IQSEC1: variants seen among roughly 807,000 people sequenced by gnomAD.
The protein encoded by IQSEC1 is IQ motif and Sec7 domain ArfGEF 1.
Under a neutral mutation model 91.0 loss-of-function variants are expected in IQSEC1, and 31 were observed. That is an observed-to-expected ratio of 0.34 (90% CI 0.26 to 0.46). The LOEUF is 0.46. Ranked by LOEUF, IQSEC1 falls within the 20% of genes least tolerant of loss-of-function variation. The probability of loss-of-function intolerance (pLI) is 1.00; values close to 1 mark genes in which losing one functional copy is unlikely to be tolerated. For missense variants in IQSEC1, 1,388 were observed against 1,575.6 expected, an observed-to-expected ratio of 0.88 and a Z score of 2.02; for synonymous variants, 699 against 662.6, an observed-to-expected ratio of 1.05 and a Z score of -0.84.
At chr3:12,918,148 A>G (rs895466879) in intron 6 of IQSEC1, among the ~76,000 whole-genome samples, 2 of 152,222 alleles carry the variant, frequency 1.3e-5, no homozygotes, top group Admixed American at 6.5e-5. Flanking sequence ...AGCCCTGATC[A>G]CCCATTCTGA....
At chr3:13,033,397 G>A (rs1019722748) in intron 1 of IQSEC1, among the ~76,000 whole-genome samples, 6 of 152,116 alleles carry the variant, frequency 3.9e-5, no homozygotes, top group Admixed American at 2.0e-4. Context: ...AGAGCGAGGC[G>A]CATTTCTCCT....
rs1705493904 is a variant in IQSEC1 at position 13,073,187 on chromosome 3, C to T, written c.-173G>A. On this transcript the variant is annotated 5_prime_UTR_variant, in exon 1 of 14. Transcript: ENST00000613206. ...TCCTCCAGGGAGGCTGGGGCGGGAG[C>T]GGGGGGCGGCGCCAGCAGCGGGCTG... 2.2e-6 allele frequency: 1 copy of T among 454,914 alleles called. No individual in the cohort carries two copies. 28.2% of individuals were successfully genotyped at this position (454,914 alleles called of 1,614,324 possible).
chr3:12,948,576 C>A (rs1268932712), intron 1 of IQSEC1, among the ~76,000 whole-genome samples: 7 of 152,224 alleles, frequency 4.6e-5, no homozygotes, highest in Admixed American at 3.9e-4. Context: ...GGCCTCTCAG[C>A]CACGGATGTC....
At chr3:12,975,105 A>G (rs1199690417) in intron 1 of IQSEC1, among the ~76,000 whole-genome samples, 1 of 152,212 alleles carries the variant, frequency 6.6e-6, no homozygotes, top group Non-Finnish European at 1.5e-5. Flanking sequence ...AGGCTTGGCA[A>G]TGACACCCAT....
chr3:12,950,954 T>A (rs533716304), intron 1 of IQSEC1, among the ~76,000 whole-genome samples: 1 of 152,074 alleles, frequency 6.6e-6, no homozygotes, highest in African/African-American at 2.4e-5. Context: ...CCAAAAAAAT[T>A]TTTTAAATAG....
chr3:13,107,093 C>G (rs534325895), intron 2 of IQSEC1, among the ~76,000 whole-genome samples: 26 of 152,324 alleles, frequency 1.7e-4, no homozygotes, highest in African/African-American at 6.0e-4. Context: ...TCTCATGGCC[C>G]GTGTCCTTTT....
intron 1 of IQSEC1, among the ~76,000 whole-genome samples, chr3:13,260,541 C>T (rs144746088): frequency 6.0e-4 from 91 of 152,306 alleles, no homozygotes; most frequent in African/African-American, 2.1e-3. Flanking sequence ...ACAGCCAAAG[C>T]CCACGTTCCT....
At chr3:13,234,501 T>C (rs1694891509) in intron 1 of IQSEC1, among the ~76,000 whole-genome samples, 2 of 152,210 alleles carry the variant, frequency 1.3e-5, no homozygotes, top group Admixed American at 6.5e-5. Context: ...CTCCCTTCCC[T>C]GAAACACCTG....
At chr3:13,062,666 G>C (rs553508388) in intron 1 of IQSEC1, among the ~76,000 whole-genome samples, 77 of 152,306 alleles carry the variant, frequency 5.1e-4, no homozygotes, top group African/African-American at 1.8e-3. Flanking sequence ...CAAGGAAGGG[G>C]GTTGGAGAGA....
chr3:12,921,686 A>AC (rs1370889367), intron 5 of IQSEC1, among the ~76,000 whole-genome samples: 1 of 152,216 alleles, frequency 6.6e-6, no homozygotes, highest in Non-Finnish European at 1.5e-5. Context: ...CGGTGACTGA[A>AC]CCAGGCATCT....
At chr3:13,085,242 G>C (rs1705715946) in intron 2 of IQSEC1, among the ~76,000 whole-genome samples, 1 of 152,168 alleles carries the variant, frequency 6.6e-6, no homozygotes, top group Admixed American at 6.5e-5. Context: ...AGCCAGCACA[G>C]AACTGAACCG....
At chr3:13,079,619 G>C (rs1388341538) in intron 2 of IQSEC1, among the ~76,000 whole-genome samples, 2 of 152,182 alleles carry the variant, frequency 1.3e-5, no homozygotes, top group Non-Finnish European at 2.9e-5. Context: ...TTCTTTACTG[G>C]GGCCCCCATG....
In IQSEC1 at chr3:13,211,680, C is replaced by T. The variant is rs938251808; in HGVS notation, c.273-47547G>A. 1.3e-5 allele frequency among the ~76,000 whole-genome samples: 2 copies of T among 152,222 alleles called. No individual in the cohort carries two copies. The highest frequency in any genetic ancestry group is 4.8e-5 in the African/African-American group (2 of 41,456). ...GGCCAGGACCCACGAACTGGCACCA[C>T]CCCAGCCCTGCTCAGCCACCACGTT... On this transcript the variant is annotated intron_variant, in intron 1 of 15. Transcript: ENST00000648114. The surrounding 1 kb of genome is among the most constrained non-coding windows in gnomAD (Gnocchi z 5.3).
At chr3:13,188,053 C>T (rs1050481498) in intron 1 of IQSEC1, among the ~76,000 whole-genome samples, 35 of 152,212 alleles carry the variant, frequency 2.3e-4, no homozygotes, top group Non-Finnish European at 1.5e-5. Flanking sequence ...CTGGGCCTCC[C>T]ATCTCCAGCC....
intron 2 of IQSEC1, among the ~76,000 whole-genome samples, chr3:13,095,391 C>T (rs1455717842): frequency 2.0e-5 from 3 of 152,152 alleles, no homozygotes; most frequent in Non-Finnish European, 2.9e-5. Context: ...TTTAACCAGC[C>T]TTGGCGATGC....
intron 1 of IQSEC1, among the ~76,000 whole-genome samples, chr3:13,180,499 C>T (rs1022457406): frequency 6.6e-6 from 1 of 152,166 alleles, no homozygotes; most frequent in Non-Finnish European, 1.5e-5. Context: ...ACAGACCAAT[C>T]AACAGGATGT....
At chr3:13,086,615 G>A (rs1705740205) in intron 2 of IQSEC1, among the ~76,000 whole-genome samples, 1 of 152,146 alleles carries the variant, frequency 6.6e-6, no homozygotes, top group Non-Finnish European at 1.5e-5. Context: ...GCCTGGTTCT[G>A]CCCCACAGTT....
chr3:13,265,288 G>A (rs527972097), intron 1 of IQSEC1, among the ~76,000 whole-genome samples: 34 of 147,324 alleles, frequency 2.3e-4, no homozygotes, highest in African/African-American at 6.7e-4. Flanking sequence ...CCCAGCCCTC[G>A]GCAGAGCCTC....
At chr3:13,195,894 T>C (rs1694115534) in intron 1 of IQSEC1, among the ~76,000 whole-genome samples, 1 of 152,196 alleles carries the variant, frequency 6.6e-6, no homozygotes, top group Non-Finnish European at 1.5e-5. Flanking sequence ...GCTGGCATAT[T>C]AGACTGTGGT....
Sources: allele counts gnomAD v4.1 joint callset (sites outside exome capture counted in the v4.1 genomes callset), GRCh38; gene constraint gnomAD v4.1.1; non-coding constraint Gnocchi (gnomAD v3.1); transcripts MANE v1.5; gene names NCBI Gene and HGNC (gene_info 2026-07-23, HGNC 2026-07-21).